Variants in EXT1 observed in about 807,000 individuals in gnomAD.
EXT1 encodes the protein exostosin-1.
EXT1 carries 20 observed loss-of-function variants against 82.5 expected under a neutral mutation model. That is an observed-to-expected ratio of 0.24 (90% confidence interval 0.17 to 0.35). The LOEUF (loss-of-function observed/expected upper bound fraction) is 0.35. Ranked by LOEUF, EXT1 falls within the 10% of genes least tolerant of loss-of-function variation. EXT1 has a pLI of 1.00. For missense variants in EXT1, 757 were observed against 936.5 expected, an observed-to-expected ratio of 0.81 and a Z score of 2.50; for synonymous variants, 348 against 350.8, an observed-to-expected ratio of 0.99 and a Z score of 0.09.
At chr8:118,109,436 T>C (rs1201680619) in intron 1 of EXT1, among the ~76,000 whole-genome samples, 2 of 112,866 alleles carry the variant, frequency 1.8e-5, no homozygotes, top group Admixed American at 1.8e-4. Flanking sequence ...AATGAATGAA[T>C]GAATGAATGC....
intron 1 of EXT1, among the ~76,000 whole-genome samples, chr8:117,875,242 C>T (rs1425731652): frequency 6.6e-6 from 1 of 152,004 alleles, no homozygotes; most frequent in Non-Finnish European, 1.5e-5. Flanking sequence ...CGTGCTGAAA[C>T]CCCATCTCTG....
At chr8:118,100,101 G>A (rs529446777) in intron 1 of EXT1, among the ~76,000 whole-genome samples, 2 of 152,252 alleles carry the variant, frequency 1.3e-5, no homozygotes, top group East Asian at 1.9e-4. Flanking sequence ...AAGTCAATCC[G>A]ACTGGTCTCC....
intron 1 of EXT1, among the ~76,000 whole-genome samples, chr8:118,070,568 G>T (rs2129961858): frequency 6.6e-6 from 1 of 152,224 alleles, no homozygotes; most frequent in South Asian, 2.1e-4. Flanking sequence ...TATAAAGAAA[G>T]CCATAATTTT....
At chr8:117,953,018 G>A (rs1814520990) in intron 1 of EXT1, among the ~76,000 whole-genome samples, 1 of 152,128 alleles carries the variant, frequency 6.6e-6, no homozygotes, top group African/African-American at 2.4e-5. Flanking sequence ...AAGAATGTCT[G>A]TGTTTTAATT....
At chr8:117,908,902 T>C (rs1813590845) in intron 1 of EXT1, among the ~76,000 whole-genome samples, 1 of 151,960 alleles carries the variant, frequency 6.6e-6, no homozygotes, top group Admixed American at 6.5e-5. Context: ...GGAGGGCAGA[T>C]CGCTTGAGCC....
intron 1 of EXT1, among the ~76,000 whole-genome samples, chr8:118,038,851 C>CATGG (rs1434039440): frequency 6.6e-6 from 1 of 152,216 alleles, no homozygotes; most frequent in Non-Finnish European, 1.5e-5. Context: ...GTACATGCAC[C>CATGG]ATGGCCTGAA....
At chr8:117,953,875 A>C (rs1393051083) in intron 1 of EXT1, among the ~76,000 whole-genome samples, 2 of 151,984 alleles carry the variant, frequency 1.3e-5, no homozygotes, top group East Asian at 3.9e-4. Context: ...GCACCACTGC[A>C]CTCCAGCCTG....
intron 1 of EXT1, among the ~76,000 whole-genome samples, chr8:117,878,454 AC>A (rs1489278907): frequency 6.6e-5 from 10 of 152,176 alleles, no homozygotes; most frequent in African/African-American, 2.4e-4. Flanking sequence ...GTGGTCATCT[AC>A]TGTGTGCCAG....
intron 1 of EXT1, among the ~76,000 whole-genome samples, chr8:118,013,679 T>C (rs1250312683): frequency 1.3e-5 from 2 of 152,244 alleles, no homozygotes. Flanking sequence ...CATACAGGGT[T>C]GCTTGATTTT....
At chr8:117,941,311 C>G (rs1814268078) in intron 1 of EXT1, among the ~76,000 whole-genome samples, 1 of 152,142 alleles carries the variant, frequency 6.6e-6, no homozygotes. Flanking sequence ...AATACACAGC[C>G]ACTGGACAGT....
intron 1 of EXT1, among the ~76,000 whole-genome samples, chr8:118,077,589 G>A (rs1220089906): frequency 6.6e-6 from 1 of 152,024 alleles, no homozygotes; most frequent in African/African-American, 2.4e-5. Flanking sequence ...GAAAGAACAT[G>A]GCAAAAGAAA....
intron 1 of EXT1, among the ~76,000 whole-genome samples, chr8:117,883,558 G>A (rs1034673750): frequency 7.9e-5 from 12 of 152,338 alleles, no homozygotes; most frequent in African/African-American, 2.2e-4. Context: ...AGTCCACTCA[G>A]TCTCTCTCCT....
chr8:117,888,323 G>T (rs1264477568), intron 1 of EXT1, among the ~76,000 whole-genome samples: 3 of 151,964 alleles, frequency 2.0e-5, no homozygotes, highest in Admixed American at 1.3e-4. Context: ...TATAATAATA[G>T]ATTAAATAAA....
intron 1 of EXT1, among the ~76,000 whole-genome samples, chr8:117,898,375 T>TC (rs1316782214): frequency 2.0e-5 from 3 of 152,184 alleles, no homozygotes; most frequent in African/African-American, 4.8e-5. Flanking sequence ...TTCTAGATGT[T>TC]CACTCTTTTT....
chr8:117,913,976 A>G (rs1813699824), intron 1 of EXT1, among the ~76,000 whole-genome samples: 1 of 152,220 alleles, frequency 6.6e-6, no homozygotes, highest in Admixed American at 6.5e-5. Flanking sequence ...AGCTGTGTCA[A>G]CATTAAAGCT....
chr8:117,905,241 C>G (rs1401127041), intron 1 of EXT1, among the ~76,000 whole-genome samples: 3 of 152,146 alleles, frequency 2.0e-5, no homozygotes, highest in Non-Finnish European at 4.4e-5. Flanking sequence ...AGCTGACATT[C>G]CTGAGCCTTG....
At chr8:118,007,965 C>T (rs1284060477) in intron 1 of EXT1, among the ~76,000 whole-genome samples, 2 of 152,138 alleles carry the variant, frequency 1.3e-5, no homozygotes, top group African/African-American at 4.8e-5. Context: ...AGACTGTTTT[C>T]ACTATATTTT....
intron 1 of EXT1, among the ~76,000 whole-genome samples, chr8:117,955,288 T>C (rs529558594): frequency 6.6e-6 from 1 of 152,264 alleles, no homozygotes; most frequent in South Asian, 2.1e-4. Flanking sequence ...ATAGGCATGA[T>C]AGATAATTAA....
chr8:117,927,786 T>C (rs535567010), intron 1 of EXT1, among the ~76,000 whole-genome samples: 2 of 152,334 alleles, frequency 1.3e-5, no homozygotes, highest in South Asian at 2.1e-4. Flanking sequence ...AAGGGTGCCA[T>C]GCTTCGTTTA....
Sources: gnomAD v4.1 joint callset for allele counts (sites outside exome capture counted in the v4.1 genomes callset) on GRCh38, gnomAD v4.1.1 for gene constraint, MANE v1.5 for transcripts, NCBI Gene and HGNC (gene_info 2026-07-23, HGNC 2026-07-21) for gene names.